The following PCDHGA9 variants were observed in gnomAD, a reference collection of about 807,000 sequenced individuals.
PCDHGA9 encodes protocadherin gamma-A9.
A neutral mutation model predicts 62.5 loss-of-function variants in PCDHGA9; 37 were observed. The ratio of observed to expected loss-of-function variants is 0.59; its 90% CI spans 0.46 to 0.78. The LOEUF (loss-of-function observed/expected upper bound fraction) is 0.78, where lower values mean the gene tolerates loss of function less well. PCDHGA9 is among the 30% of genes least tolerant of loss of function. The pLI is 0.00. For synonymous variants in PCDHGA9, 459 were observed against 484.6 expected (o/e 0.95, Z 0.69); for missense variants, 1,138 against 1,166.2 (o/e 0.98, Z 0.35).
At chr5:141,451,224 C>G (rs2098710956) in intron 1 of PCDHGA9, among the ~76,000 whole-genome samples, 1 of 152,170 alleles carries the variant, frequency 6.6e-6, no homozygotes, top group South Asian at 2.1e-4. Flanking sequence ...TTAAAAGAAG[C>G]ATTTATTATC....
In PCDHGA9 at chr5:141,476,836, T is replaced by C. The variant is rs772607917; in HGVS notation, c.2425-17971T>C. On this transcript the variant is annotated intron_variant, in intron 1 of 3. Coordinates refer to ENST00000573521, the MANE Select transcript of PCDHGA9 (RefSeq NM_018921.3). The surrounding 1 kb of genome is among the most constrained non-coding windows in gnomAD (Gnocchi z 7.6). ...TCAAGGTGCTGGACGCGAATGACAATGCGCCTGTCTTCAACCAGTCCTTGT... is the reference window on the plus strand; with the variant it reads ...TCAAGGTGCTGGACGCGAATGACAACGCGCCTGTCTTCAACCAGTCCTTGT... 1.9e-6 allele frequency: 3 copies of C among 1,613,652 alleles called. 1 individual carries two copies. The highest frequency in any genetic ancestry group is 2.2e-5 in the East Asian group (1 of 44,852).
At chr5:141,502,866 C>CTTT (rs549047197) in intron 2 of PCDHGA9, among the ~76,000 whole-genome samples, 3 of 128,046 alleles carry the variant, frequency 2.3e-5, no homozygotes, top group African/African-American at 9.3e-5. Context: ...GACTCTCTGT[C>CTTT]TTTTTTTTTT....
At chr5:141,475,983 C>T in intron 1 of PCDHGA9, 2 of 1,049,240 alleles carry the variant, frequency 1.9e-6, no homozygotes, top group Non-Finnish European at 2.8e-6. Context: ...GAACAGCCGG[C>T]GAGCAAATCA....
chr5:141,470,855 G>A (rs2099242095), intron 1 of PCDHGA9, among the ~76,000 whole-genome samples: 3 of 151,856 alleles, frequency 2.0e-5, no homozygotes, highest in Admixed American at 2.0e-4. Context: ...GCTCAGATAA[G>A]TTTTTTGTTT....
rs1437416293 is a variant in PCDHGA9 at position 141,403,969 on chromosome 5, T to C, written c.1017T>C (p.Asp339=). The change falls in exon 1 of 4, where the codon GAT becomes GAC. Residue 339 remains aspartate (D), a synonymous_variant. Transcript: ENST00000573521. Reference sequence around the variant, plus strand: ...CAAAAGTGCTCATTTCGGTGGAAGATGTAAATGACAATAGACCTGAAGTGA... The same window carrying C: ...CAAAAGTGCTCATTTCGGTGGAAGACGTAAATGACAATAGACCTGAAGTGA... ...GWTKVLISVE[D]VNDNRPEVTI... 1.2e-6 allele frequency: 2 copies of C among 1,613,808 alleles called. No individual in the cohort carries two copies. The highest frequency in any genetic ancestry group is 1.7e-6 in the Non-Finnish European group (2 of 1,179,826).
At position 141,403,569 on chromosome 5, in the gene PCDHGA9, C is replaced by A. The variant is rs1206497487; in HGVS notation, c.617C>A (p.Thr206Asn). The change falls in exon 1 of 4, where the codon ACT becomes AAT. Residue 206 changes from threonine (T) to asparagine (N), a missense_variant. Transcript: ENST00000573521. The stretch of plus-strand genomic sequence containing the variant: ...CGCGCCCTGGACAGGGAGGAGGCAA[C>A]TGCCCACCACCTGGTCCTCACGGCC... ...LERALDREEA[T>N]AHHLVLTASD... The A allele has an allele frequency of 5.6e-6, 9 of 1,613,828 alleles. No homozygotes were observed. The Admixed American group carries it at 6.7e-5, about 12-fold the overall frequency.
chr5:141,414,550 G>A (rs773044624), intron 1 of PCDHGA9: 1 of 1,613,948 alleles, frequency 6.2e-7, no homozygotes, highest in East Asian at 2.2e-5. Flanking sequence ...CTTCTCTCAA[G>A]TCTCCTACTT....
chr5:141,477,268 C>T lies in PCDHGA9; in HGVS notation c.2425-17539C>T. ...TGACTGACCTGGATGCTGGCGAGAA[C>T]GGGCTGGTGACCTGCGAAGTTCCAC... On this transcript the variant is annotated intron_variant, in intron 1 of 3. Transcript: ENST00000573521. The surrounding 1 kb of genome is among the most constrained non-coding windows in gnomAD (Gnocchi z 4.9). The T allele has an allele frequency of 6.2e-7, 1 of 1,614,196 alleles. No individual in the cohort carries two copies. The highest frequency in any genetic ancestry group is 8.5e-7 in the Non-Finnish European group (1 of 1,180,030).
intron 2 of PCDHGA9, among the ~76,000 whole-genome samples, chr5:141,500,682 G>A (rs1661676761): frequency 6.6e-6 from 1 of 152,044 alleles, no homozygotes; most frequent in African/African-American, 2.4e-5. Context: ...CAGAATTATA[G>A]CTTTTTTCTT....
Position 141,402,829 on chromosome 5 carries a change from T to C in PCDHGA9, c.-124T>C. 1 of 1,342,036 alleles carries C rather than the reference T, an allele frequency of 7.5e-7. No individual in the cohort carries two copies. The highest frequency in any genetic ancestry group is 9.8e-7 in the Non-Finnish European group (1 of 1,017,870). 83.1% of individuals were successfully genotyped at this position (1,342,036 alleles called of 1,614,324 possible). On this transcript the variant is annotated 5_prime_UTR_variant, in exon 1 of 4. Transcript: ENST00000573521. Reference sequence around the variant, plus strand: ...AGATACCACAAACCTGCTCCCAGGCTGCAGCAAAACTCAGCCTCTTTCTTC... The same window carrying C: ...AGATACCACAAACCTGCTCCCAGGCCGCAGCAAAACTCAGCCTCTTTCTTC...
At chr5:141,502,891 C>G (rs2099816930) in intron 2 of PCDHGA9, among the ~76,000 whole-genome samples, 1 of 117,990 alleles carries the variant, frequency 8.5e-6, no homozygotes, top group African/African-American at 3.4e-5. Context: ...GACAGGGAGT[C>G]TAGCTCTGTT....
At position 141,419,312 on chromosome 5, in the gene PCDHGA9, G is replaced by C. The variant is rs35892780; in HGVS notation, c.2424+13936G>C. On this transcript the variant is annotated intron_variant, in intron 1 of 3. Transcript: ENST00000573521. ...CTCTGACCCAGACTTCGGGCTCAAC[G>C]GCCGTGTCTCCTACTCTCTCATTGC... 1.0e-3 allele frequency: 1,689 copies of C among 1,613,962 alleles called. 4 individuals are homozygous for C. Among genetic ancestry groups the C allele is most frequent in the Middle Eastern group, 5.3e-3 (32 of 6,062 alleles).
rs2094542300 is a variant in PCDHGA9 at position 141,404,577 on chromosome 5, T to C, written c.1625T>C (p.Leu542Pro). Residue 542 changes from leucine (L) to proline (P), a missense_variant, in exon 1 of 4, where the codon CTT becomes CCT. Transcript: ENST00000573521. ...VTASDSGSPP[L>P]SSNVSLRLFV... ...GCAAGTGACAGTGGAAGCCCACCACTTAGCAGCAATGTGTCATTGAGACTG... is the reference window on the plus strand; with the variant it reads ...GCAAGTGACAGTGGAAGCCCACCACCTAGCAGCAATGTGTCATTGAGACTG... 1 of 1,613,954 alleles carries C rather than the reference T, an allele frequency of 6.2e-7. No individual in the cohort carries two copies. Among genetic ancestry groups the C allele is most frequent in the South Asian group, 1.1e-5 (1 of 91,078 alleles).
Position 141,487,125 on chromosome 5 carries a change from G to A in PCDHGA9, c.2425-7682G>A. 6.2e-7 allele frequency: 1 copy of A among 1,614,112 alleles called. No homozygotes were observed. The highest frequency in any genetic ancestry group is 8.5e-7 in the Non-Finnish European group (1 of 1,179,994). The stretch of plus-strand genomic sequence containing the variant: ...CTGGTCATTGTGGTAAAGGATAGTG[G>A]TAGTCCACCACTCTCTACCTCTGTT... On this transcript the variant is annotated intron_variant, in intron 1 of 3. Coordinates refer to ENST00000573521, the MANE Select transcript of PCDHGA9 (RefSeq NM_018921.3). This position sits in a 1 kb window ranked among gnomAD's most constrained non-coding sequence, Gnocchi z 5.0.
chr5:141,464,655 G>T (rs1326749316), intron 1 of PCDHGA9, among the ~76,000 whole-genome samples: 1 of 152,070 alleles, frequency 6.6e-6, no homozygotes. Flanking sequence ...TGGGTAAAAA[G>T]ATATCTCCAA....
intron 1 of PCDHGA9, chr5:141,410,724 C>G: frequency 7.2e-7 from 1 of 1,385,884 alleles, no homozygotes; most frequent in Non-Finnish European, 9.6e-7. Flanking sequence ...TGTTTAAAAT[C>G]CATAGCTTTT....
At position 141,408,935 on chromosome 5, in the gene PCDHGA9, G is replaced by A. The variant is rs773802276; in HGVS notation, c.2424+3559G>A. 6.8e-6 allele frequency: 11 copies of A among 1,613,590 alleles called. No homozygotes were observed. Among genetic ancestry groups the A allele is most frequent in the Non-Finnish European group, 9.3e-6 (11 of 1,179,752 alleles). ...TGATAACCCCCCGGTTTTCAGCAGAGACGAATATAGAATTAGTCTTAGTGA... is the reference window on the plus strand; with the variant it reads ...TGATAACCCCCCGGTTTTCAGCAGAAACGAATATAGAATTAGTCTTAGTGA... On this transcript the variant is annotated intron_variant, in intron 1 of 3. Coordinates refer to ENST00000573521, the MANE Select transcript of PCDHGA9 (RefSeq NM_018921.3).
At chr5:141,427,999 T>C (rs1319115693) in intron 1 of PCDHGA9, 9 of 1,601,068 alleles carry the variant, frequency 5.6e-6, no homozygotes, top group African/African-American at 1.3e-5. Context: ...GGCTCCGCAC[T>C]CTTCGATATA....
intron 1 of PCDHGA9, among the ~76,000 whole-genome samples, chr5:141,425,040 A>G (rs2096853898): frequency 6.6e-6 from 1 of 152,182 alleles, no homozygotes; most frequent in South Asian, 2.1e-4. Flanking sequence ...TTAGTTGTAA[A>G]CTGACTATCT....
Sources: gnomAD v4.1 joint callset for allele counts (sites outside exome capture counted in the v4.1 genomes callset) on GRCh38, gnomAD v4.1.1 for gene constraint, Gnocchi (gnomAD v3.1) non-coding constraint, MANE v1.5 for transcripts, NCBI Gene and HGNC (gene_info 2026-07-23, HGNC 2026-07-21) for gene names.